Variants in TENM3 observed in about 807,000 individuals in gnomAD.
TENM3 encodes the protein teneurin transmembrane protein 3.
In TENM3, 63 loss-of-function variants were observed where a neutral mutation model predicts 255.1. The observed-to-expected ratio is 0.25, with a 90% CI of 0.20 to 0.30. TENM3 has a LOEUF of 0.30. Ranked by LOEUF, TENM3 falls within the 10% of genes least tolerant of loss-of-function variation. The probability of loss-of-function intolerance (pLI) is 1.00; values close to 1 mark genes in which losing one functional copy is unlikely to be tolerated. For synonymous variants in TENM3, 1,306 were observed against 1,322.3 expected (o/e 0.99, Z 0.27); for missense variants, 2,929 against 3,461.1 (o/e 0.85, Z 3.86).
the TENM3 span, among the ~76,000 whole-genome samples, chr4:182,064,818 A>G: frequency 1.3e-5 from 2 of 152,146 alleles, no homozygotes; most frequent in Non-Finnish European, 2.9e-5. Flanking sequence ...TTCGGGAAAG[A>G]AAATAGTGCT....
the TENM3 span, among the ~76,000 whole-genome samples, chr4:182,021,502 A>G: frequency 2.6e-5 from 4 of 152,316 alleles, no homozygotes; most frequent in East Asian, 7.7e-4. Flanking sequence ...AGAAAACTTT[A>G]AAATACACCC....
upstream of TENM3, chr4:182,141,778 T>G (rs1749450226): frequency 6.6e-6 from 1 of 152,240 alleles, no homozygotes; most frequent in Non-Finnish European, 1.5e-5. Context: ...GTTCTATTGT[T>G]TTCCTACCTT....
the TENM3 span, among the ~76,000 whole-genome samples, chr4:181,914,507 CAT>C: frequency 4.4e-3 from 669 of 152,252 alleles, 3 homozygotes; most frequent in African/African-American, 0.015. Context: ...TGGTACAAAA[CAT>C]ATGACAGTAT....
intron 2 of TENM3, among the ~76,000 whole-genome samples, chr4:182,334,461 A>C (rs929942235): frequency 2.6e-5 from 4 of 152,192 alleles, no homozygotes; most frequent in Non-Finnish European, 5.9e-5. Flanking sequence ...TCAAGTGATC[A>C]TAAAATTCGT....
chr4:182,263,265 T>C (rs1311235034), intron 1 of TENM3, among the ~76,000 whole-genome samples: 1 of 152,018 alleles, frequency 6.6e-6, no homozygotes, highest in Non-Finnish European at 1.5e-5. Context: ...TGACAGTGGA[T>C]AAGTGGTGGG....
At chr4:181,844,558 C>T in the TENM3 span, among the ~76,000 whole-genome samples, 1 of 151,970 alleles carries the variant, frequency 6.6e-6, no homozygotes, top group East Asian at 1.9e-4. Flanking sequence ...GTCCCAGCTA[C>T]TCGGGAGGCT....
At chr4:182,431,011 CTAAATAAATAAA>C (rs60841901) in intron 3 of TENM3, among the ~76,000 whole-genome samples, 1 of 148,196 alleles carries the variant, frequency 6.7e-6, no homozygotes, top group Non-Finnish European at 1.5e-5. Context: ...GACTCCATCT[CTAAATAAATAAA>C]TAAATAAATA....
At chr4:181,888,653 C>A in the TENM3 span, among the ~76,000 whole-genome samples, 1 of 138,938 alleles carries the variant, frequency 7.2e-6, no homozygotes, top group Non-Finnish European at 1.5e-5. Flanking sequence ...CAGGAATAGA[C>A]TCATATGATT....
At chr4:182,440,534 A>G (rs1772390907) in intron 3 of TENM3, among the ~76,000 whole-genome samples, 1 of 152,130 alleles carries the variant, frequency 6.6e-6, no homozygotes, top group African/African-American at 2.4e-5. Context: ...GTCTAGATCT[A>G]CAGCCTGATG....
chr4:182,448,436 G>C (rs1420203007), intron 3 of TENM3, among the ~76,000 whole-genome samples: 1 of 152,192 alleles, frequency 6.6e-6, no homozygotes, highest in Non-Finnish European at 1.5e-5. Context: ...CCGCGAGCTG[G>C]AGGGCCGAGT....
intron 12 of TENM3, among the ~76,000 whole-genome samples, chr4:182,703,692 G>A (rs909595144): frequency 1.3e-5 from 2 of 152,148 alleles, no homozygotes; most frequent in Non-Finnish European, 2.9e-5. Flanking sequence ...ATGTATCCTA[G>A]GTAAGTTAAA....
the TENM3 span, among the ~76,000 whole-genome samples, chr4:182,127,881 T>C: frequency 2.0e-5 from 3 of 152,202 alleles, no homozygotes; most frequent in Non-Finnish European, 4.4e-5. Flanking sequence ...AATTTTCTTT[T>C]GCTAAAGTAT....
chr4:182,549,825 G>A (rs1741827292), intron 3 of TENM3, among the ~76,000 whole-genome samples: 1 of 152,192 alleles, frequency 6.6e-6, no homozygotes, highest in African/African-American at 2.4e-5. Flanking sequence ...AATAAGGGTT[G>A]TGGAAGAAGT....
At chr4:182,377,927 ATG>A (rs1468171650) in intron 3 of TENM3, among the ~76,000 whole-genome samples, 4 of 152,098 alleles carry the variant, frequency 2.6e-5, no homozygotes, top group Non-Finnish European at 1.5e-5. Context: ...AATAGAGCAA[ATG>A]TGGTAGAATG....
rs1029950805 is a variant in TENM3, at chr4:182,544,884, A to G, written c.512-56040A>G. 7.9e-5 allele frequency among the ~76,000 whole-genome samples: 12 copies of G among 152,314 alleles called. No homozygotes were observed. The South Asian group carries it at 8.3e-4, about 11-fold the overall frequency. On this transcript the variant is annotated intron_variant, in intron 3 of 27. Coordinates refer to ENST00000511685, the MANE Select transcript of TENM3 (RefSeq NM_001080477.4). ...GTCTTCATCTAGGTGAATTTGAGCA[A>G]ATCTCTTAACACCTCCTGGCATCAA...
intron 3 of TENM3, among the ~76,000 whole-genome samples, chr4:182,355,251 A>G (rs774783085): frequency 2.0e-5 from 3 of 152,184 alleles, no homozygotes; most frequent in Non-Finnish European, 4.4e-5. Flanking sequence ...TTCCCTGGGG[A>G]TGCTCCAAAA....
intron 3 of TENM3, among the ~76,000 whole-genome samples, chr4:182,510,988 A>G (rs1737335699): frequency 6.6e-6 from 1 of 152,192 alleles, no homozygotes; most frequent in Admixed American, 6.5e-5. Context: ...GCTTGTTACT[A>G]CTTACTGTCA....
At chr4:181,526,091 A>G in the TENM3 span, among the ~76,000 whole-genome samples, 2 of 152,204 alleles carry the variant, frequency 1.3e-5, no homozygotes, top group African/African-American at 2.4e-5. Flanking sequence ...AATTTCAAGG[A>G]AACAGACATT....
the TENM3 span, among the ~76,000 whole-genome samples, chr4:181,962,701 G>T: frequency 6.6e-6 from 1 of 152,270 alleles, no homozygotes; most frequent in Non-Finnish European, 1.5e-5. Context: ...TGCCTCCAAA[G>T]TAAAGCCTAC....
Sources: gnomAD v4.1 joint callset for allele counts (sites outside exome capture counted in the v4.1 genomes callset) on GRCh38, gnomAD v4.1.1 for gene constraint, MANE v1.5 for transcripts, NCBI Gene and HGNC (gene_info 2026-07-23, HGNC 2026-07-21) for gene names.